EVA1C: variants seen among roughly 807,000 people sequenced by gnomAD.
EVA1C encodes the protein protein eva-1 homolog C.
Under a neutral mutation model 45.4 loss-of-function variants are expected in EVA1C, and 25 were observed. The observed-to-expected ratio is 0.55, with a 90% CI of 0.40 to 0.77. The LOEUF is 0.77. Among genes scored for constraint, EVA1C ranks in the 30% least tolerant of loss-of-function variants. The pLI is 0.00. For missense variants in EVA1C, 479 were observed against 554.8 expected (o/e 0.86, Z 1.37); for synonymous variants, 190 against 221.2 (o/e 0.86, Z 1.25).
At chr21:32,454,015 G>A (rs539697216) in intron 2 of EVA1C, among the ~76,000 whole-genome samples, 6 of 152,322 alleles carry the variant, frequency 3.9e-5, no homozygotes, top group African/African-American at 1.4e-4. Flanking sequence ...TGGATCATGA[G>A]GTCAGGAGTT....
intron 1 of EVA1C, among the ~76,000 whole-genome samples, chr21:32,436,509 G>A (rs1474702034): frequency 6.6e-6 from 1 of 152,290 alleles, no homozygotes; most frequent in Non-Finnish European, 1.5e-5. Context: ...ATTTCCAGTG[G>A]AAGTGGTTGG....
chr21:32,430,251 T>G (rs2034647151), intron 1 of EVA1C, among the ~76,000 whole-genome samples: 1 of 152,136 alleles, frequency 6.6e-6, no homozygotes, highest in Non-Finnish European at 1.5e-5. Flanking sequence ...AGAAGACTGG[T>G]GCCCTCTCGC....
At chr21:32,475,905 ATC>A (rs2036543420) in intron 4 of EVA1C, among the ~76,000 whole-genome samples, 6 of 149,718 alleles carry the variant, frequency 4.0e-5, no homozygotes, top group African/African-American at 7.4e-5. Flanking sequence ...CTATCTATCT[ATC>A]TATCTATCTA....
intron 3 of EVA1C, among the ~76,000 whole-genome samples, chr21:32,466,221 C>T (rs769564747): frequency 3.3e-5 from 5 of 152,082 alleles, no homozygotes; most frequent in Non-Finnish European, 5.9e-5. Flanking sequence ...GAGATCAAGA[C>T]CATCCTGGCT....
chr21:32,457,642 G>T lies in EVA1C; in HGVS notation c.403G>T (p.Val135Phe), dbSNP rs757670689. ...GAACCAGCGGGCCTGCCACCTCCTG[G>T]TCAATAGCCGTGTTTTTGGACCTGA... The part of the protein sequence containing the change: ...CQNQRACHLL[V>F]NSRVFGPDLC... Residue 135 changes from valine to phenylalanine, a missense_variant, in exon 3 of 8, where the codon GTC becomes TTC. By Grantham distance (50) the Val-to-Phe change is conservative. Around this residue, in one of 3 missense-constraint regions of EVA1C, gnomAD observed 366 missense variants for 426.1 expected, o/e 0.86. Transcript: ENST00000300255. 66 of 1,614,164 alleles carry T rather than the reference G, an allele frequency of 4.1e-5. No homozygotes were observed. The highest frequency in any genetic ancestry group is 5.5e-5 in the Non-Finnish European group (65 of 1,180,014).
At chr21:32,486,749 A>C (rs1370792340) in intron 4 of EVA1C, among the ~76,000 whole-genome samples, 2 of 152,230 alleles carry the variant, frequency 1.3e-5, no homozygotes, top group Non-Finnish European at 2.9e-5. Context: ...AGAATAATAT[A>C]GTGCATTACA....
rs2036473476 is a variant in EVA1C at position 32,474,068 on chromosome 21, C to G, written c.634+6220C>G. ...TCAGCCTCCTGAGTAGCTGGGACTA[C>G]AGGTGCATGCCACCATGCCTGGCAT... On this transcript the variant is annotated intron_variant, in intron 4 of 7. Transcript: ENST00000300255. This position sits in a 1 kb window ranked among gnomAD's most constrained non-coding sequence, Gnocchi z 4.4. 2.2e-6 allele frequency: 1 copy of G among 460,526 alleles called. No homozygotes were observed. Among genetic ancestry groups the G allele is most frequent in the African/African-American group, 2.1e-5 (1 of 46,928 alleles). The allele number at this position is 460,526 out of a possible 1,614,324, so 28.5% of individuals were successfully genotyped here.
chr21:32,469,127 G>A (rs1159040145), intron 4 of EVA1C, among the ~76,000 whole-genome samples: 1 of 152,092 alleles, frequency 6.6e-6, no homozygotes. Flanking sequence ...TAAGCATGGG[G>A]GAGTCATCAA....
rs143680455 is a variant in EVA1C at position 32,453,054 on chromosome 21, C to T, written c.161-258C>T. ...GGCACAAGCCCATGGGTGGAGCCCTCGCCAGGGACCCCACCCTTCTCTACC... is the reference window on the plus strand; with the variant it reads ...GGCACAAGCCCATGGGTGGAGCCCTTGCCAGGGACCCCACCCTTCTCTACC... On this transcript the variant is annotated intron_variant, in intron 1 of 7. Transcript: ENST00000300255. 206 of 408,642 alleles carry T rather than the reference C, an allele frequency of 5.0e-4. 1 individual carries two copies. Among genetic ancestry groups the T allele is most frequent in the South Asian group, 4.3e-3 (65 of 15,114 alleles). The allele number at this position is 408,642 out of a possible 1,614,324, so 25.3% of individuals were successfully genotyped here.
At position 32,473,915 on chromosome 21, in the gene EVA1C, C is replaced by A. The variant is rs115726365; in HGVS notation, c.634+6067C>A. The A allele has an allele frequency of 4.1e-6, 4 of 985,388 alleles. No homozygotes were observed. In the African/African-American group the frequency reaches 5.2e-5, roughly 13 times the overall value. 61.0% of individuals were successfully genotyped at this position (985,388 alleles called of 1,614,324 possible). A position where few individuals can be genotyped will look rare whatever the true frequency, so the allele number is the denominator to read the frequency against. On this transcript the variant is annotated intron_variant, in intron 4 of 7. Transcript: ENST00000300255. ...GGACCCTTTGATTTTTGTCTTTCAG[C>A]CTTTTTGTGCCACGGAGCACAGGAC...
intron 1 of EVA1C, among the ~76,000 whole-genome samples, chr21:32,426,936 T>G (rs1477412453): frequency 6.6e-6 from 1 of 152,230 alleles, no homozygotes; most frequent in African/African-American, 2.4e-5. Context: ...TCCATCTGAA[T>G]TTCCAAGCAT....
chr21:32,454,803 A>C (rs1039453242), intron 2 of EVA1C, among the ~76,000 whole-genome samples: 1 of 152,122 alleles, frequency 6.6e-6, no homozygotes, highest in Admixed American at 6.6e-5. Flanking sequence ...ACGCAAACTA[A>C]TGTGATGATG....
intron 6 of EVA1C, among the ~76,000 whole-genome samples, chr21:32,502,191 C>G (rs953063013): frequency 6.6e-6 from 1 of 151,828 alleles, no homozygotes; most frequent in Non-Finnish European, 1.5e-5. Flanking sequence ...CCTCTGCCTC[C>G]GGGTTCAAGC....
At chr21:32,480,302 TAA>T (rs56902183) in intron 4 of EVA1C, among the ~76,000 whole-genome samples, 10 of 105,126 alleles carry the variant, frequency 9.5e-5, no homozygotes, top group Non-Finnish European at 9.0e-5. Context: ...CCCTGTCTCT[TAA>T]AAAAAAAAAA....
intron 5 of EVA1C, among the ~76,000 whole-genome samples, chr21:32,500,443 GC>G (rs1367075108): frequency 6.6e-6 from 1 of 151,942 alleles, no homozygotes; most frequent in Non-Finnish European, 1.5e-5. Context: ...GAGCCATCAT[GC>G]CCAGCCCAGA....
chr21:32,450,060 A>G (rs953857055), intron 1 of EVA1C, among the ~76,000 whole-genome samples: 2 of 152,212 alleles, frequency 1.3e-5, no homozygotes, highest in African/African-American at 2.4e-5. Context: ...GCATTAGTCA[A>G]TTCTATGCAC....
At chr21:32,496,939 AAAAG>A (rs929101917) in intron 5 of EVA1C, 1 of 1,358,384 alleles carries the variant, frequency 7.4e-7, no homozygotes. Context: ...AGGTGCAACT[AAAAG>A]AAACAGACCA....
Position 32,453,447 on chromosome 21 carries a change from C to A in EVA1C, c.296C>A (p.Ser99Tyr). 6.2e-7 allele frequency: 1 copy of A among 1,611,430 alleles called. No individual in the cohort carries two copies. Among genetic ancestry groups the A allele is most frequent in the Non-Finnish European group, 8.5e-7 (1 of 1,179,392 alleles). Residue 99 changes from serine to tyrosine, a missense_variant, in exon 2 of 8, where the codon TCC becomes TAC. By Grantham distance (144) the Ser-to-Tyr change is moderately radical. Transcript: ENST00000300255. ...FYGQDYQMCSSQKPASQREDS... is the reference protein window; with the variant it reads ...FYGQDYQMCSYQKPASQREDS... ...GGGCAAGATTACCAAATGTGTAGTT[C>A]CCAGAAGCCTGCCTCCCAGAGGGAA...
chr21:32,476,643 A>AAAG, intron 4 of EVA1C, among the ~76,000 whole-genome samples: 1 of 151,868 alleles, frequency 6.6e-6, no homozygotes, highest in African/African-American at 2.4e-5. Context: ...CTCCGTCTCA[A>AAAG]AATAATAATA....
Sources: gnomAD v4.1 joint callset for allele counts (sites outside exome capture counted in the v4.1 genomes callset) on GRCh38, gnomAD v4.1.1 for gene constraint, gnomAD v4.1.1 regional missense constraint, Gnocchi (gnomAD v3.1) non-coding constraint, MANE v1.5 for transcripts, NCBI Gene and HGNC (gene_info 2026-07-23, HGNC 2026-07-21) for gene names.